Variants in FSTL5 observed in about 807,000 individuals in gnomAD.
FSTL5 encodes the protein follistatin-related protein 5.
In FSTL5, 62 loss-of-function variants were observed where a neutral mutation model predicts 89.1. The observed-to-expected ratio is 0.70, with a 90% CI of 0.57 to 0.86. FSTL5 has a LOEUF of 0.86. Ranked by LOEUF, FSTL5 falls within the 40% of genes least tolerant of loss-of-function variation. FSTL5 has a pLI of 0.00. For missense variants in FSTL5, 1,057 were observed against 1,001.6 expected (o/e 1.06, Z -0.75); for synonymous variants, 383 against 346.2 (o/e 1.11, Z -1.18).
chr4:161,778,235 G>A (rs952552717), intron 4 of FSTL5, among the ~76,000 whole-genome samples: 1 of 152,008 alleles, frequency 6.6e-6, no homozygotes, highest in African/African-American at 2.4e-5. Context: ...ATATTGAAAT[G>A]GCATGTATAC....
chr4:161,892,692 C>A (rs1440598), intron 4 of FSTL5, among the ~76,000 whole-genome samples: 126,722 of 152,000 alleles, frequency 0.83, 53,450 homozygotes, highest in Non-Finnish European at 0.9. Flanking sequence ...ATTAACTTTT[C>A]CAAATGTAAA....
intron 3 of FSTL5, among the ~76,000 whole-genome samples, chr4:161,956,372 A>T (rs1049764257): frequency 1.3e-5 from 2 of 151,884 alleles, no homozygotes; most frequent in African/African-American, 4.8e-5. Context: ...ATGGCTTTGC[A>T]CCTATTATAT....
intron 4 of FSTL5, among the ~76,000 whole-genome samples, chr4:161,908,820 T>C (rs2116288): frequency 0.87 from 132,876 of 152,084 alleles, 59,073 homozygotes; most frequent in Non-Finnish European, 0.96. Flanking sequence ...ATGGCTTGCC[T>C]ACAGAATTAG....
rs1261071100 is a variant in FSTL5, at chr4:161,923,849, T to C, written c.161-3197A>G. Among the ~76,000 whole-genome samples the C allele has an allele frequency of 2.6e-5, 4 of 151,996 alleles. No homozygotes were observed. In the East Asian group the frequency reaches 7.7e-4, roughly 29 times the overall value. ...AGGATATTTTCCATTTTGTAGAAGT[T>C]AATGAACTATTTTACACTAGCTAGA... On this transcript the variant is annotated intron_variant, in intron 3 of 15. Coordinates refer to ENST00000306100, the MANE Select transcript of FSTL5 (RefSeq NM_020116.5).
intron 10 of FSTL5, among the ~76,000 whole-genome samples, chr4:161,528,653 CTT>C (rs1731311790): frequency 7.0e-6 from 1 of 143,378 alleles, no homozygotes. Context: ...TTTGTTAACT[CTT>C]TGCACATTTA....
chr4:161,387,328 TTG>T (rs1228124498), intron 15 of FSTL5: 2 of 152,020 alleles, frequency 1.3e-5, no homozygotes, highest in Admixed American at 1.3e-4. Flanking sequence ...ACAATATTGA[TTG>T]TCACCTTCTA....
At chr4:161,476,173 G>GGTTTTT (rs1309725557) in intron 13 of FSTL5, among the ~76,000 whole-genome samples, 2 of 80,490 alleles carry the variant, frequency 2.5e-5, no homozygotes, top group African/African-American at 1.1e-4. Context: ...AAGTTTGCTG[G>GGTTTTT]TTTTTTTTTT....
chr4:161,932,906 C>T (rs776877382), intron 3 of FSTL5, among the ~76,000 whole-genome samples: 1 of 152,034 alleles, frequency 6.6e-6, no homozygotes, highest in Non-Finnish European at 1.5e-5. Flanking sequence ...CTTCCCATCA[C>T]TAGCTTTTGG....
chr4:161,927,850 G>A (rs1734168638), intron 3 of FSTL5, among the ~76,000 whole-genome samples: 1 of 151,662 alleles, frequency 6.6e-6, no homozygotes, highest in South Asian at 2.1e-4. Context: ...TTTAAATTAA[G>A]AGACTGTTTT....
At chr4:161,656,799 C>T (rs1461141124) in intron 6 of FSTL5, among the ~76,000 whole-genome samples, 1 of 152,110 alleles carries the variant, frequency 6.6e-6, no homozygotes, top group South Asian at 2.1e-4. Context: ...ACTGCCAAAT[C>T]GACATGTAGT....
At chr4:162,035,136 T>G (rs1421558017) in intron 2 of FSTL5, 1 of 152,156 alleles carries the variant, frequency 6.6e-6, no homozygotes, top group Non-Finnish European at 1.5e-5. Flanking sequence ...CATTCATTCA[T>G]TCATTCAGTC....
At chr4:161,485,740 A>C (rs750963867) in intron 12 of FSTL5, among the ~76,000 whole-genome samples, 1 of 152,214 alleles carries the variant, frequency 6.6e-6, no homozygotes, top group Non-Finnish European at 1.5e-5. Context: ...TATATTGAAC[A>C]TAAGTATAGT....
At chr4:161,701,879 T>A (rs531983295) in intron 6 of FSTL5, among the ~76,000 whole-genome samples, 3 of 152,276 alleles carry the variant, frequency 2.0e-5, no homozygotes, top group East Asian at 3.9e-4. Context: ...ATATAGTCAG[T>A]TGCAATGGTG....
At chr4:162,157,033 A>T (rs1733501425) in intron 1 of FSTL5, among the ~76,000 whole-genome samples, 1 of 152,186 alleles carries the variant, frequency 6.6e-6, no homozygotes, top group Non-Finnish European at 1.5e-5. Flanking sequence ...AATCATCAGA[A>T]ATTTTGTCTC....
chr4:161,830,440 G>C (rs1440998027), intron 4 of FSTL5, among the ~76,000 whole-genome samples: 1 of 151,712 alleles, frequency 6.6e-6, no homozygotes, highest in African/African-American at 2.4e-5. Flanking sequence ...GCATTGCCTT[G>C]CTTAAAGATT....
In FSTL5 at chr4:161,518,277, T is replaced by G. The variant is rs1029390590; in HGVS notation, c.1313-7853A>C. Among the ~76,000 whole-genome samples, 3 of 152,190 alleles carry G rather than the reference T, an allele frequency of 2.0e-5. No individual in the cohort carries two copies. The South Asian group carries it at 6.2e-4, about 32-fold the overall frequency. Reference sequence around the variant, plus strand: ...CCTTAATTTTGAAAAAGTGATGAGATGGGATAATCATATTCTTTTGGGAGG... The same window carrying G: ...CCTTAATTTTGAAAAAGTGATGAGAGGGGATAATCATATTCTTTTGGGAGG... On this transcript the variant is annotated intron_variant, in intron 10 of 15. Coordinates refer to ENST00000306100, the MANE Select transcript of FSTL5 (RefSeq NM_020116.5).
chr4:161,753,913 G>A (rs1740484401), intron 6 of FSTL5, among the ~76,000 whole-genome samples: 1 of 151,782 alleles, frequency 6.6e-6, no homozygotes. Flanking sequence ...GTGGTGGCTG[G>A]CGCCTGTAGT....
At chr4:161,401,012 A>G (rs1731162715) in intron 15 of FSTL5, among the ~76,000 whole-genome samples, 1 of 152,134 alleles carries the variant, frequency 6.6e-6, no homozygotes, top group Non-Finnish European at 1.5e-5. Flanking sequence ...TCTCATTTTC[A>G]ACAATATTTG....
intron 4 of FSTL5, among the ~76,000 whole-genome samples, chr4:161,862,331 A>G (rs1731942769): frequency 6.6e-6 from 1 of 152,270 alleles, no homozygotes; most frequent in African/African-American, 2.4e-5. Context: ...TTACAATTTC[A>G]ATTTTAAAGC....
Sources: allele counts gnomAD v4.1 joint callset (sites outside exome capture counted in the v4.1 genomes callset), GRCh38; gene constraint gnomAD v4.1.1; transcripts MANE v1.5; gene names NCBI Gene and HGNC (gene_info 2026-07-23, HGNC 2026-07-21).